The following HACD2 variants were observed in gnomAD, a reference collection of about 807,000 sequenced individuals.
The protein encoded by HACD2 is very-long-chain (3R)-3-hydroxyacyl-CoA dehydratase 2.
HACD2 carries 15 observed loss-of-function variants against 31.0 expected under a neutral mutation model. That is an observed-to-expected ratio of 0.48 (90% CI 0.32 to 0.75). The LOEUF is 0.75. HACD2 is among the 30% of genes least tolerant of loss of function. The probability of loss-of-function intolerance (pLI) is 0.03; values close to 1 mark genes in which losing one functional copy is unlikely to be tolerated. For synonymous variants in HACD2, 115 were observed against 122.2 expected, an observed-to-expected ratio of 0.94 and a Z score of 0.39; for missense variants, 283 against 313.0, an observed-to-expected ratio of 0.90 and a Z score of 0.72.
chr3:123,500,175 GAC>G (rs2055884590), intron 6 of HACD2, among the ~76,000 whole-genome samples: 2 of 152,158 alleles, frequency 1.3e-5, no homozygotes, highest in Admixed American at 6.5e-5. Context: ...CAGTTCTTAA[GAC>G]ACAGAAAACT....
intron 3 of HACD2, among the ~76,000 whole-genome samples, chr3:123,555,221 G>A (rs2056661174): frequency 6.6e-6 from 1 of 152,130 alleles, no homozygotes; most frequent in Non-Finnish European, 1.5e-5. Flanking sequence ...TGTCATACTG[G>A]AAGTCTTAGC....
chr3:123,563,640 TATATAC>T (rs1392293876), intron 3 of HACD2, among the ~76,000 whole-genome samples: 3 of 91,128 alleles, frequency 3.3e-5, no homozygotes, highest in East Asian at 4.6e-4. Flanking sequence ...CAAAAAAATA[TATATAC>T]ACACACACAC....
chr3:123,556,130 A>C (rs2056669929), intron 3 of HACD2, among the ~76,000 whole-genome samples: 1 of 152,044 alleles, frequency 6.6e-6, no homozygotes, highest in Non-Finnish European at 1.5e-5. Context: ...ACACAGCAAG[A>C]CCCCATCTCT....
At chr3:123,528,295 G>A (rs1412885419) in intron 4 of HACD2, 91 bp downstream of exon 4, 1 of 801,730 alleles carries the variant, frequency 1.2e-6, no homozygotes, top group Non-Finnish European at 2.2e-6. Flanking sequence ...ACTCTGACCT[G>A]GAACTCTTTA....
chr3:123,491,920 T>C lies in HACD2; in HGVS notation c.*2968A>G, dbSNP rs2055768355. 1 of 152,288 alleles carries C rather than the reference T, an allele frequency of 6.6e-6. No homozygotes were observed. The highest frequency in any genetic ancestry group is 1.5e-5 in the Non-Finnish European group (1 of 68,042). 9.4% of individuals were successfully genotyped at this position (152,288 alleles called of 1,614,324 possible). On this transcript the variant is annotated 3_prime_UTR_variant, in exon 7 of 7. Coordinates refer to ENST00000383657, the MANE Select transcript of HACD2 (RefSeq NM_198402.5). ...CTCAGAACTGCAAGTAATTTGCAGG[T>C]TGTACCATATCAATGCCAACCTTTT...
At chr3:123,534,312 G>A (rs1186842418) in intron 3 of HACD2, among the ~76,000 whole-genome samples, 1 of 152,100 alleles carries the variant, frequency 6.6e-6, no homozygotes, top group African/African-American at 2.4e-5. Flanking sequence ...CATATATGAT[G>A]ATGGTCCCAT....
chr3:123,496,851 G>T (rs938948524), intron 6 of HACD2, among the ~76,000 whole-genome samples: 1 of 152,200 alleles, frequency 6.6e-6, no homozygotes, highest in Non-Finnish European at 1.5e-5. Flanking sequence ...TCTCACAGCT[G>T]GTTCAGAGGG....
chr3:123,495,398 G>A (rs2055820171), intron 6 of HACD2, among the ~76,000 whole-genome samples: 2 of 152,096 alleles, frequency 1.3e-5, no homozygotes, highest in Non-Finnish European at 2.9e-5. Context: ...ACTTGCCTAG[G>A]GTCTCACAGT....
chr3:123,568,717 T>C (rs766104568), intron 2 of HACD2, among the ~76,000 whole-genome samples: 11 of 152,234 alleles, frequency 7.2e-5, no homozygotes, highest in Non-Finnish European at 1.6e-4. Flanking sequence ...ATAAGATTGA[T>C]TTAATGACCA....
intron 3 of HACD2, among the ~76,000 whole-genome samples, chr3:123,558,973 T>C (rs1252021163): frequency 6.6e-6 from 1 of 152,214 alleles, no homozygotes; most frequent in Non-Finnish European, 1.5e-5. Context: ...CAAACTCATG[T>C]TGGATTTAAA....
chr3:123,543,995 T>C (rs1250411537), intron 3 of HACD2, among the ~76,000 whole-genome samples: 1 of 152,170 alleles, frequency 6.6e-6, no homozygotes, highest in Non-Finnish European at 1.5e-5. Context: ...GGGTAACAAC[T>C]CTGAGTGCAG....
chr3:123,507,887 C>A (rs1046656703), intron 4 of HACD2, among the ~76,000 whole-genome samples: 2 of 151,840 alleles, frequency 1.3e-5, no homozygotes, highest in African/African-American at 2.4e-5. Flanking sequence ...GTAAATTATA[C>A]TTCTGTAAAG....
chr3:123,523,598 T>A (rs1291513821), intron 4 of HACD2, among the ~76,000 whole-genome samples: 1 of 152,222 alleles, frequency 6.6e-6, no homozygotes, highest in East Asian at 1.9e-4. Flanking sequence ...TTTTGGGTGC[T>A]AAGCCTCCAC....
At chr3:123,580,591 C>T (rs1576249116) in intron 2 of HACD2, among the ~76,000 whole-genome samples, 1 of 152,114 alleles carries the variant, frequency 6.6e-6, no homozygotes, top group East Asian at 2.0e-4. Flanking sequence ...TGAGACCAGC[C>T]TGGGCAACAC....
In HACD2 at chr3:123,522,348, A is replaced by G. The variant is rs564126231; in HGVS notation, c.381+6038T>C. Among the ~76,000 whole-genome samples, 470 of 149,950 alleles carry G rather than the reference A, an allele frequency of 3.1e-3. 1 individual carries two copies. Among genetic ancestry groups the G allele is most frequent in the African/African-American group, 0.011 (449 of 40,794 alleles). ...GTCTCCAAACAAAAAAAAAAAAAAA[A>G]AGAGAGAGAGAGAGAAGTGAATCTA... On this transcript the variant is annotated intron_variant, in intron 4 of 6. Transcript: ENST00000383657.
intron 3 of HACD2, among the ~76,000 whole-genome samples, chr3:123,533,351 G>A (rs771667279): frequency 3.3e-5 from 5 of 152,222 alleles, no homozygotes; most frequent in Non-Finnish European, 7.3e-5. Flanking sequence ...GTTTCGCCAT[G>A]ATGCCCAGGC....
intron 2 of HACD2, among the ~76,000 whole-genome samples, chr3:123,580,729 G>C (rs985217516): frequency 4.7e-5 from 7 of 150,000 alleles, no homozygotes; most frequent in African/African-American, 1.7e-4. Flanking sequence ...GCTGCAGTGA[G>C]CCACGGCCAT....
chr3:123,506,899 TTCTA>T lies in HACD2; in HGVS notation c.382-4222_382-4219del, dbSNP rs573870843. Among the ~76,000 whole-genome samples, 17 of 152,284 alleles carry T rather than the reference TTCTA, an allele frequency of 1.1e-4. 1 individual carries two copies. The South Asian group carries it at 3.5e-3, about 32-fold the overall frequency. Reference sequence around the variant, plus strand: ...GGCAACGGATTTGGATTATAAGAAGTTCTACTCAGCTGCTTTTTGAATTTATAAC... The same window carrying T: ...GGCAACGGATTTGGATTATAAGAAGTCTCAGCTGCTTTTTGAATTTATAAC... On this transcript the variant is annotated intron_variant, in intron 4 of 6. Transcript: ENST00000383657.
At chr3:123,544,308 T>C (rs1279891512) in intron 3 of HACD2, among the ~76,000 whole-genome samples, 1 of 152,166 alleles carries the variant, frequency 6.6e-6, no homozygotes, top group Non-Finnish European at 1.5e-5. Context: ...ATTCCTCAGC[T>C]AAATTTAACT....
Sources: gnomAD v4.1 joint callset for allele counts (sites outside exome capture counted in the v4.1 genomes callset) on GRCh38, gnomAD v4.1.1 for gene constraint, MANE v1.5 for transcripts, NCBI Gene and HGNC (gene_info 2026-07-23, HGNC 2026-07-21) for gene names.